The following SCN11A variants were observed in gnomAD, a reference collection of about 807,000 sequenced individuals.
SCN11A encodes the protein sodium channel protein type 11 subunit alpha.
A neutral mutation model predicts 162.2 loss-of-function variants in SCN11A; 122 were observed. The observed-to-expected ratio is 0.75, with a 90% confidence interval of 0.65 to 0.87. The LOEUF (loss-of-function observed/expected upper bound fraction) is 0.87. Ranked by LOEUF, SCN11A falls within the 40% of genes least tolerant of loss-of-function variation. SCN11A has a pLI of 0.00. For missense variants in SCN11A, 2,015 were observed against 2,181.6 expected (o/e 0.92, Z 1.52); for synonymous variants, 758 against 751.5 (o/e 1.01, Z -0.14).
chr3:38,916,596 C>A (rs556425471), intron 11 of SCN11A, among the ~76,000 whole-genome samples: 99 of 152,306 alleles, frequency 6.5e-4, no homozygotes, highest in African/African-American at 2.3e-3. Context: ...TGAGCTATCA[C>A]GTCCTTCATG....
intron 8 of SCN11A, 104 bp downstream of exon 8, chr3:38,926,699 G>T: frequency 8.5e-7 from 1 of 1,174,706 alleles, no homozygotes; most frequent in Non-Finnish European, 1.2e-6. Flanking sequence ...GGCATTACTA[G>T]GCCATACTCA....
At chr3:38,962,846 TAAAAATA>T (rs1256726693) in intron 2 of SCN11A, among the ~76,000 whole-genome samples, 2 of 151,524 alleles carry the variant, frequency 1.3e-5, no homozygotes, top group African/African-American at 2.4e-5. Context: ...AAACTCCGTC[TAAAAATA>T]AAAAATAAAA....
At chr3:38,901,340 TC>T (rs1047772798) in intron 16 of SCN11A, among the ~76,000 whole-genome samples, 5 of 152,176 alleles carry the variant, frequency 3.3e-5, no homozygotes, top group Non-Finnish European at 7.3e-5. Flanking sequence ...AATACTGCCA[TC>T]TACTCCTGCT....
At chr3:38,909,329 C>A in intron 12 of SCN11A, 135 bp from the exon 13 acceptor site, 1 of 698,196 alleles carries the variant, frequency 1.4e-6, no homozygotes, top group Non-Finnish European at 2.4e-6. Flanking sequence ...GACCACAGAC[C>A]ATATAGCTTC....
In SCN11A at chr3:38,988,507, G is replaced by A. The variant is rs77393201; in HGVS notation, c.-279-28084C>T. Among the ~76,000 whole-genome samples, 1,434 of 151,978 alleles carry A rather than the reference G, an allele frequency of 9.4e-3. 12 individuals are homozygous for A. Among genetic ancestry groups the A allele is most frequent in the Non-Finnish European group, 0.017 (1,138 of 67,966 alleles). ...TCTCTTTCTGTCTCAGGTAGTCCTC[G>A]CACACATCTTTCCCCTGTCCAGCCC... On this transcript the variant is annotated intron_variant, in intron 2 of 29. Coordinates refer to ENST00000302328, the MANE Select transcript of SCN11A (RefSeq NM_001349253.2).
Position 38,867,362 on chromosome 3 carries a change from T to A in SCN11A, c.3910A>T (p.Ile1304Phe). The A allele has an allele frequency of 6.2e-7, 1 of 1,613,570 alleles. No individual in the cohort carries two copies. Among genetic ancestry groups the A allele is most frequent in the Non-Finnish European group, 8.5e-7 (1 of 1,179,554 alleles). ...TTGAAGTTGTCAATGATAACGCCAA[T>A]GAAGAGATTCAGAGTGAAGAATGAG... ...FGSFFTLNLFIGVIIDNFNQQ... is the reference protein window; with the variant it reads ...FGSFFTLNLFFGVIIDNFNQQ... The change falls in exon 27 of 30, where the codon ATT (isoleucine) becomes TTT (phenylalanine). Residue 1304 changes from isoleucine to phenylalanine, a missense_variant. By Grantham distance (21) the Ile-to-Phe change is conservative (BLOSUM62 0). Transcript: ENST00000302328.
At chr3:38,929,482 T>C (rs1575304909) in intron 7 of SCN11A, among the ~76,000 whole-genome samples, 3 of 152,288 alleles carry the variant, frequency 2.0e-5, no homozygotes, top group Admixed American at 2.0e-4. Context: ...ATAATGATAA[T>C]GTTGTGCAGC....
At chr3:38,903,836 T>C (rs763222677) in intron 16 of SCN11A, 29 bp downstream of exon 16, 1 of 1,464,756 alleles carries the variant, frequency 6.8e-7, no homozygotes, top group Non-Finnish European at 9.3e-7. Flanking sequence ...ATGAAATATG[T>C]TTTTTATTTT....
At chr3:38,917,908 T>TA (rs765607263) in intron 11 of SCN11A, among the ~76,000 whole-genome samples, 13 of 151,800 alleles carry the variant, frequency 8.6e-5, no homozygotes, top group Non-Finnish European at 1.3e-4. Flanking sequence ...CCTACTGAAA[T>TA]AAAAAAAATA....
intron 2 of SCN11A, among the ~76,000 whole-genome samples, chr3:38,965,131 C>T (rs2066773800): frequency 6.6e-6 from 1 of 152,180 alleles, no homozygotes; most frequent in South Asian, 2.1e-4. Context: ...AGCACTTCCT[C>T]CAGGGTTCTA....
intron 18 of SCN11A, among the ~76,000 whole-genome samples, chr3:38,895,432 C>G (rs762039832): frequency 6.6e-6 from 1 of 152,142 alleles, no homozygotes; most frequent in Non-Finnish European, 1.5e-5. Flanking sequence ...GGTCCTGTTG[C>G]CCTAACCTTA....
chr3:39,005,503 A>C (rs2125600335), intron 2 of SCN11A, among the ~76,000 whole-genome samples: 1 of 152,224 alleles, frequency 6.6e-6, no homozygotes, highest in South Asian at 2.1e-4. Flanking sequence ...GTCTCCTACC[A>C]CGTGTGAAAG....
chr3:39,021,040 TA>T (rs372345486), intron 2 of SCN11A, among the ~76,000 whole-genome samples: 4,399 of 147,626 alleles, frequency 0.03, 200 homozygotes, highest in African/African-American at 0.097. Flanking sequence ...TAAGATCTGT[TA>T]AAAAAAAAAA....
At chr3:38,889,933 C>T (rs2065471249) in intron 19 of SCN11A, among the ~76,000 whole-genome samples, 1 of 151,562 alleles carries the variant, frequency 6.6e-6, no homozygotes, top group Non-Finnish European at 1.5e-5. Context: ...AATGATTACA[C>T]CACCATGAAA....
intron 2 of SCN11A, among the ~76,000 whole-genome samples, chr3:39,022,872 C>T (rs2031486739): frequency 6.6e-6 from 1 of 151,080 alleles, no homozygotes; most frequent in African/African-American, 2.4e-5. Context: ...GAGCAAGACC[C>T]TGTCTCAAAA....
rs1402330078 is a variant in SCN11A at position 38,886,108 on chromosome 3, C to T, written c.2949+17G>A. The T allele has an allele frequency of 1.9e-6, 3 of 1,545,768 alleles. No homozygotes were observed. Among genetic ancestry groups the T allele is most frequent in the Non-Finnish European group, 1.8e-6 (2 of 1,119,630 alleles). ...GATGAGCCACAAGTTCCTCTGACAA[C>T]ATCCTAGGAAAATTACCTTTCGGGG... On this transcript the variant is annotated intron_variant, in intron 20 of 29. Coordinates refer to ENST00000302328, the MANE Select transcript of SCN11A (RefSeq NM_001349253.2).
rs1449234990 is a variant in SCN11A at position 38,897,262 on chromosome 3, G to C, written c.2023-37C>G. On this transcript the variant is annotated intron_variant, in intron 17 of 29. Coordinates refer to ENST00000302328, the MANE Select transcript of SCN11A (RefSeq NM_001349253.2). ...GACAACAAACAAAAATGGAAGAAAA[G>C]CCAGTTAAGGACAAACTCCATCTGC... The C allele has an allele frequency of 2.6e-6, 4 of 1,554,250 alleles. No homozygotes were observed. The East Asian group carries it at 9.0e-5, about 35-fold the overall frequency.
In SCN11A at chr3:38,897,716, TAA is replaced by T. The variant is rs10711040; in HGVS notation, c.2023-493_2023-492del. On this transcript the variant is annotated intron_variant, in intron 17 of 29. Transcript: ENST00000302328. ...GGAGACAGAGCAAGACTCCATCTCA[TAA>T]AAAAAAAAAAAAAAGGAAATATTTT... 5.6e-3 allele frequency among the ~76,000 whole-genome samples: 733 copies of T among 131,942 alleles called. 4 individuals carry two copies. The highest frequency in any genetic ancestry group is 0.013 in the African/African-American group (430 of 33,722). The allele number at this position is 131,942 out of a possible 152,430, so 86.6% of individuals were successfully genotyped here.
At chr3:38,928,445 A>G (rs9860511) in intron 7 of SCN11A, among the ~76,000 whole-genome samples, 135,571 of 152,118 alleles carry the variant, frequency 0.89, 60,498 homozygotes, top group South Asian at 0.92. Flanking sequence ...CCTAGATAAC[A>G]GGTTGATGGA....
Sources: gnomAD v4.1 joint callset for allele counts (sites outside exome capture counted in the v4.1 genomes callset) on GRCh38, gnomAD v4.1.1 for gene constraint, MANE v1.5 for transcripts, NCBI Gene and HGNC (gene_info 2026-07-23, HGNC 2026-07-21) for gene names.